The following DTD1 variants were observed in gnomAD, a reference collection of about 807,000 sequenced individuals.
DTD1 encodes D-aminoacyl-tRNA deacylase 1.
A neutral mutation model predicts 25.6 loss-of-function variants in DTD1; 13 were observed. That is an observed-to-expected ratio of 0.51 (90% confidence interval 0.33 to 0.81). The LOEUF (loss-of-function observed/expected upper bound fraction) is 0.81, where lower values mean the gene tolerates loss of function less well. Ranked by LOEUF, DTD1 falls within the 30% of genes least tolerant of loss-of-function variation. The pLI is 0.02. For synonymous variants in DTD1, 110 were observed against 103.6 expected (o/e 1.06, Z -0.37); for missense variants, 193 against 266.4 (o/e 0.72, Z 1.92).
At chr20:18,613,867 C>G (rs1313446377) in intron 3 of DTD1, among the ~76,000 whole-genome samples, 2 of 152,136 alleles carry the variant, frequency 1.3e-5, no homozygotes, top group African/African-American at 4.8e-5. Context: ...GATCTTTATG[C>G]TTGTATGTGG....
chr20:18,658,408 C>T (rs1000355559), intron 4 of DTD1, among the ~76,000 whole-genome samples: 3 of 151,850 alleles, frequency 2.0e-5, no homozygotes, highest in Admixed American at 2.0e-4. Context: ...TCACTGCAAG[C>T]TCCGCCTCCC....
chr20:18,752,326 G>T (rs1189576334), intron 5 of DTD1, among the ~76,000 whole-genome samples: 2 of 151,776 alleles, frequency 1.3e-5, no homozygotes, highest in Non-Finnish European at 2.9e-5. Context: ...TATATATATG[G>T]TACATCTTTT....
chr20:18,598,609 T>C (rs1008844789), intron 3 of DTD1, among the ~76,000 whole-genome samples: 2 of 151,978 alleles, frequency 1.3e-5, no homozygotes, highest in African/African-American at 4.8e-5. Flanking sequence ...GCCATTCTCC[T>C]GCCTCAGCCT....
At chr20:18,688,102 T>C (rs1255418852) in intron 4 of DTD1, among the ~76,000 whole-genome samples, 1 of 152,238 alleles carries the variant, frequency 6.6e-6, no homozygotes, top group East Asian at 1.9e-4. Context: ...AACCCATGCA[T>C]GGTCCATCTA....
intron 1 of DTD1, chr20:18,592,697 G>A (rs1316350945): frequency 2.2e-5 from 3 of 134,802 alleles, no homozygotes; most frequent in African/African-American, 8.2e-5. Flanking sequence ...TTTTTGAGAT[G>A]GAGAGTCACT....
At chr20:18,717,508 G>A (rs1299388390) in intron 4 of DTD1, among the ~76,000 whole-genome samples, 1 of 152,174 alleles carries the variant, frequency 6.6e-6, no homozygotes, top group African/African-American at 2.4e-5. Context: ...TTTATACATA[G>A]TAAATTCGTG....
chr20:18,637,985 A>C (rs1216467621), intron 4 of DTD1, among the ~76,000 whole-genome samples: 1 of 152,198 alleles, frequency 6.6e-6, no homozygotes, highest in Non-Finnish European at 1.5e-5. Context: ...AGCTCTTCAC[A>C]CATGATGCTT....
intron 4 of DTD1, among the ~76,000 whole-genome samples, chr20:18,704,460 G>A (rs572057310): frequency 6.6e-6 from 1 of 152,252 alleles, no homozygotes; most frequent in South Asian, 2.1e-4. Flanking sequence ...TGTGCAAGGG[G>A]TGGGGAAAAG....
At chr20:18,595,108 T>A (rs539669931) in intron 2 of DTD1, among the ~76,000 whole-genome samples, 9 of 152,334 alleles carry the variant, frequency 5.9e-5, no homozygotes, top group African/African-American at 2.2e-4. Context: ...CCTGGTCAAC[T>A]TTCTTGCCAT....
intron 4 of DTD1, among the ~76,000 whole-genome samples, chr20:18,653,089 T>C (rs980279884): frequency 6.6e-6 from 1 of 152,106 alleles, no homozygotes; most frequent in Non-Finnish European, 1.5e-5. Context: ...CCACATGGCA[T>C]TGACTTAATT....
At chr20:18,653,279 A>G (rs1217825743) in intron 4 of DTD1, among the ~76,000 whole-genome samples, 3 of 152,172 alleles carry the variant, frequency 2.0e-5, no homozygotes, top group African/African-American at 7.2e-5. Context: ...CTATAATCTC[A>G]GCTGCTTGGG....
At chr20:18,659,827 A>G (rs2060902553) in intron 4 of DTD1, among the ~76,000 whole-genome samples, 1 of 152,142 alleles carries the variant, frequency 6.6e-6, no homozygotes, top group Non-Finnish European at 1.5e-5. Flanking sequence ...CCTAGATGAC[A>G]GGTTGATAGG....
rs200878768 is a variant in DTD1 at position 18,707,536 on chromosome 20, C to T, written c.478-36564C>T. 5.3e-5 allele frequency among the ~76,000 whole-genome samples: 8 copies of T among 152,272 alleles called. No individual in the cohort carries two copies. In the East Asian group the frequency reaches 1.5e-3, roughly 29 times the overall value. On this transcript the variant is annotated intron_variant, in intron 4 of 5. Coordinates refer to ENST00000377452, the MANE Select transcript of DTD1 (RefSeq NM_080820.6). Reference sequence around the variant, plus strand: ...CATAGAGTGCTGTGCAGTACAGCAGCACCAGACTCTAAAGGGAGCGAGCAC... The same window carrying T: ...CATAGAGTGCTGTGCAGTACAGCAGTACCAGACTCTAAAGGGAGCGAGCAC...
intron 4 of DTD1, among the ~76,000 whole-genome samples, chr20:18,722,465 G>A (rs560098396): frequency 1.3e-5 from 2 of 152,324 alleles, no homozygotes; most frequent in African/African-American, 4.8e-5. Context: ...AAGATTTTAT[G>A]TTCACATTTA....
intron 4 of DTD1, chr20:18,632,617 C>T (rs1278963028): frequency 5.1e-6 from 5 of 984,278 alleles, no homozygotes; most frequent in Non-Finnish European, 6.0e-6. Flanking sequence ...TTTTATTTTT[C>T]CATTATATTC....
At chr20:18,717,519 A>G (rs922055748) in intron 4 of DTD1, among the ~76,000 whole-genome samples, 1 of 152,212 alleles carries the variant, frequency 6.6e-6, no homozygotes, top group Non-Finnish European at 1.5e-5. Context: ...TAAATTCGTG[A>G]CATACCTAAC....
chr20:18,617,230 A>G (rs924704299), intron 3 of DTD1, among the ~76,000 whole-genome samples: 2 of 151,960 alleles, frequency 1.3e-5, no homozygotes, highest in Admixed American at 6.6e-5. Flanking sequence ...GTGACTTGGG[A>G]TGAAACGAAA....
At chr20:18,753,744 A>G (rs6045582) in intron 5 of DTD1, among the ~76,000 whole-genome samples, 3,219 of 152,176 alleles carry the variant, frequency 0.021, 104 homozygotes, top group African/African-American at 0.072. Context: ...AGGTAACATC[A>G]ATTTTTTCTC....
chr20:18,668,777 A>G (rs2060941319), intron 4 of DTD1, among the ~76,000 whole-genome samples: 1 of 152,234 alleles, frequency 6.6e-6, no homozygotes. Flanking sequence ...TCTTGAGGAA[A>G]CTAAATAGCT....
Sources: gnomAD v4.1 joint callset for allele counts (sites outside exome capture counted in the v4.1 genomes callset) on GRCh38, gnomAD v4.1.1 for gene constraint, MANE v1.5 for transcripts, NCBI Gene and HGNC (gene_info 2026-07-23, HGNC 2026-07-21) for gene names.